The following DTNA variants were observed in gnomAD, a reference collection of about 807,000 sequenced individuals.
DTNA encodes the protein dystrobrevin alpha.
In DTNA, 43 loss-of-function variants were observed where a neutral mutation model predicts 100.7. The observed-to-expected ratio is 0.43, with a 90% CI of 0.33 to 0.55. DTNA has a LOEUF of 0.55. DTNA is among the 20% of genes least tolerant of loss of function. The pLI is 0.04. For synonymous variants in DTNA, 349 were observed against 347.9 expected (o/e 1.00, Z -0.04); for missense variants, 798 against 953.9 (o/e 0.84, Z 2.15).
chr18:34,748,991 T>C (rs571940875), intron 1 of DTNA, among the ~76,000 whole-genome samples: 2 of 152,312 alleles, frequency 1.3e-5, no homozygotes, highest in East Asian at 3.9e-4. Flanking sequence ...AGCAGTGTTT[T>C]ATAGTTTTCC....
At chr18:34,864,586 C>T (rs766786789) in intron 17 of DTNA, among the ~76,000 whole-genome samples, 8 of 152,212 alleles carry the variant, frequency 5.3e-5, no homozygotes, top group African/African-American at 1.7e-4. Flanking sequence ...TGAAACCAGA[C>T]TGCTGAGGGC....
intron 17 of DTNA, chr18:34,868,935 A>G (rs190861369): frequency 7.9e-6 from 2 of 254,116 alleles, no homozygotes; most frequent in East Asian, 3.6e-4. Flanking sequence ...CAGTACCAAT[A>G]TGTTCCAGAG....
intron 1 of DTNA, among the ~76,000 whole-genome samples, chr18:34,595,781 T>G (rs1305237945): frequency 1.3e-5 from 2 of 152,314 alleles, no homozygotes. Flanking sequence ...AATGTTTTCC[T>G]CCAGAGAAGA....
At chr18:34,856,655 G>A (rs1346002561) in intron 15 of DTNA, among the ~76,000 whole-genome samples, 4 of 152,180 alleles carry the variant, frequency 2.6e-5, no homozygotes, top group South Asian at 2.1e-4. Context: ...CGAACTTGGG[G>A]AAATCTTTCA....
chr18:34,859,354 G>A (rs895369943), intron 16 of DTNA, among the ~76,000 whole-genome samples: 1 of 152,200 alleles, frequency 6.6e-6, no homozygotes, highest in African/African-American at 2.4e-5. Context: ...TACAGAGTAG[G>A]AGCCAGCTCC....
intron 1 of DTNA, among the ~76,000 whole-genome samples, chr18:34,685,549 G>C (rs1163857692): frequency 6.6e-6 from 1 of 152,190 alleles, no homozygotes; most frequent in African/African-American, 2.4e-5. Flanking sequence ...TAGCCTTGTA[G>C]TATAGTTTAA....
At chr18:34,612,199 C>T (rs1403221418) in intron 1 of DTNA, among the ~76,000 whole-genome samples, 1 of 152,196 alleles carries the variant, frequency 6.6e-6, no homozygotes, top group East Asian at 1.9e-4. Flanking sequence ...GGTTGGCCTG[C>T]ACACCTCACT....
intron 17 of DTNA, among the ~76,000 whole-genome samples, chr18:34,869,239 A>T (rs1333029023): frequency 2.6e-5 from 4 of 152,212 alleles, no homozygotes; most frequent in African/African-American, 9.6e-5. Flanking sequence ...GTATGAATGT[A>T]TGTATATAGG....
At chr18:34,682,290 A>G (rs1006093679) in intron 1 of DTNA, among the ~76,000 whole-genome samples, 2 of 152,164 alleles carry the variant, frequency 1.3e-5, no homozygotes, top group Admixed American at 1.3e-4. Flanking sequence ...GTGGACACAA[A>G]TTTTCAACTC....
intron 13 of DTNA, among the ~76,000 whole-genome samples, chr18:34,843,721 G>A (rs941138646): frequency 3.9e-5 from 6 of 151,986 alleles, no homozygotes; most frequent in African/African-American, 9.7e-5. Context: ...GTATTCATAT[G>A]CTTTAGCATA....
intron 1 of DTNA, among the ~76,000 whole-genome samples, chr18:34,566,394 A>G (rs2047088649): frequency 6.6e-6 from 1 of 152,212 alleles, no homozygotes; most frequent in Non-Finnish European, 1.5e-5. Context: ...CCAATTTTTC[A>G]TGGATTAAAA....
chr18:34,783,846 A>G (rs1315463671), intron 3 of DTNA, among the ~76,000 whole-genome samples: 1 of 152,214 alleles, frequency 6.6e-6, no homozygotes, highest in Non-Finnish European at 1.5e-5. Context: ...AGAGGCCTGA[A>G]CAAGGGCATA....
At chr18:34,540,735 C>G (rs1320312465) in intron 1 of DTNA, among the ~76,000 whole-genome samples, 1 of 151,964 alleles carries the variant, frequency 6.6e-6, no homozygotes. Context: ...ATTATTTAGG[C>G]AAAACATAAA....
chr18:34,582,828 A>G (rs2048769597), intron 1 of DTNA, among the ~76,000 whole-genome samples: 1 of 152,222 alleles, frequency 6.6e-6, no homozygotes, highest in Non-Finnish European at 1.5e-5. Context: ...CAAAACTAGT[A>G]TGTAAAATGA....
intron 1 of DTNA, among the ~76,000 whole-genome samples, chr18:34,711,049 C>T (rs1230033493): frequency 6.6e-6 from 1 of 151,928 alleles, no homozygotes; most frequent in Non-Finnish European, 1.5e-5. Context: ...ATCTTTTAGG[C>T]ATTGTGGCTG....
At chr18:34,828,834 AATC>A (rs1171448950) in intron 10 of DTNA, among the ~76,000 whole-genome samples, 8 of 152,188 alleles carry the variant, frequency 5.3e-5, no homozygotes, top group Non-Finnish European at 1.2e-4. Context: ...TCTTTTTTAG[AATC>A]ACCAGCAAAT....
chr18:34,792,523 A>C (rs1161516062), intron 3 of DTNA, among the ~76,000 whole-genome samples: 1 of 152,236 alleles, frequency 6.6e-6, no homozygotes. Flanking sequence ...ATGAGGTAGA[A>C]GACAAAAAAA....
intron 1 of DTNA, among the ~76,000 whole-genome samples, chr18:34,620,100 G>C (rs2056167260): frequency 6.6e-6 from 1 of 152,182 alleles, no homozygotes; most frequent in African/African-American, 2.4e-5. Context: ...GTTCCTGTTG[G>C]CTTCCCCAAT....
chr18:34,745,045 A>G (rs6507103), intron 1 of DTNA, among the ~76,000 whole-genome samples: 113,136 of 151,962 alleles, frequency 0.74, 43,717 homozygotes, highest in East Asian at 0.96. Context: ...ACAAGAACAC[A>G]GTGAGAAGGG....
Sources: gnomAD v4.1 joint callset for allele counts (sites outside exome capture counted in the v4.1 genomes callset) on GRCh38, gnomAD v4.1.1 for gene constraint, MANE v1.5 for transcripts, NCBI Gene and HGNC (gene_info 2026-07-23, HGNC 2026-07-21) for gene names.